The following MYT1L variants were observed in gnomAD, a reference collection of about 807,000 sequenced individuals.
The protein encoded by MYT1L is myelin transcription factor 1-like protein.
MYT1L carries 12 observed loss-of-function variants against 126.7 expected under a neutral mutation model. That is an observed-to-expected ratio of 0.09 (90% CI 0.06 to 0.15). MYT1L has a LOEUF of 0.15. MYT1L is among the 10% of genes least tolerant of loss of function. MYT1L has a pLI of 1.00. For missense variants in MYT1L, 979 were observed against 1,585.2 expected, an observed-to-expected ratio of 0.62 and a Z score of 6.49; for synonymous variants, 541 against 604.2, an observed-to-expected ratio of 0.90 and a Z score of 1.53.
chr2:2,269,292 A>G (rs1268538606), intron 2 of MYT1L, among the ~76,000 whole-genome samples: 2 of 152,206 alleles, frequency 1.3e-5, no homozygotes, highest in Non-Finnish European at 2.9e-5. Flanking sequence ...AAGCTTCTGT[A>G]TTCTCAGGCT....
At chr2:1,840,015 G>A (rs1243162390) in intron 20 of MYT1L, among the ~76,000 whole-genome samples, 1 of 152,250 alleles carries the variant, frequency 6.6e-6, no homozygotes, top group Non-Finnish European at 1.5e-5. Flanking sequence ...GAAGGAGGCA[G>A]GGCCTGGCCT....
At chr2:1,846,698 C>A (rs565319850) in intron 19 of MYT1L, among the ~76,000 whole-genome samples, 1 of 152,322 alleles carries the variant, frequency 6.6e-6, no homozygotes, top group Admixed American at 6.5e-5. Context: ...AGGGGCAGAG[C>A]ACAGACCTCA....
intron 2 of MYT1L, among the ~76,000 whole-genome samples, chr2:2,202,953 C>T (rs1227234729): frequency 6.6e-6 from 1 of 151,932 alleles, no homozygotes; most frequent in Non-Finnish European, 1.5e-5. Flanking sequence ...CCCTGGGATG[C>T]AAGGCTGGTT....
At chr2:2,269,520 G>A (rs2095217759) in intron 2 of MYT1L, among the ~76,000 whole-genome samples, 1 of 152,160 alleles carries the variant, frequency 6.6e-6, no homozygotes. Context: ...CTGCTAGCCT[G>A]GTTCCCTTGC....
chr2:2,031,059 A>C (rs939735549), intron 4 of MYT1L, among the ~76,000 whole-genome samples: 1 of 152,240 alleles, frequency 6.6e-6, no homozygotes, highest in African/African-American at 2.4e-5. Context: ...CAGCTCCAAA[A>C]ACAGCATGTT....
intron 3 of MYT1L, among the ~76,000 whole-genome samples, chr2:2,092,350 C>A (rs1240147995): frequency 6.6e-6 from 1 of 152,176 alleles, no homozygotes; most frequent in African/African-American, 2.4e-5. Context: ...AGAACACACA[C>A]ATTTATCAAT....
At chr2:2,328,994 T>A (rs1156621069) in intron 1 of MYT1L, among the ~76,000 whole-genome samples, 4 of 152,188 alleles carry the variant, frequency 2.6e-5, no homozygotes, top group African/African-American at 9.6e-5. Context: ...ATTTTCACAT[T>A]GCCAATAAAC....
intron 2 of MYT1L, among the ~76,000 whole-genome samples, chr2:2,213,834 A>G (rs969751615): frequency 2.6e-4 from 39 of 152,332 alleles, no homozygotes; most frequent in African/African-American, 9.1e-4. Context: ...TTTTCCAGGC[A>G]TGAAAAGAAG....
intron 1 of MYT1L, among the ~76,000 whole-genome samples, chr2:2,300,962 T>C (rs1400129259): frequency 6.6e-6 from 1 of 152,194 alleles, no homozygotes; most frequent in African/African-American, 2.4e-5. Flanking sequence ...CAAGCACTCT[T>C]GGCTGTGGCC....
At chr2:2,037,513 T>C (rs1667080345) in intron 4 of MYT1L, among the ~76,000 whole-genome samples, 1 of 151,858 alleles carries the variant, frequency 6.6e-6, no homozygotes, top group South Asian at 2.1e-4. Flanking sequence ...CCCAGCACCT[T>C]GGGAAGCCAA....
intron 9 of MYT1L, among the ~76,000 whole-genome samples, chr2:1,926,437 T>C (rs2054239495): frequency 6.6e-6 from 1 of 152,176 alleles, no homozygotes; most frequent in South Asian, 2.1e-4. Flanking sequence ...AGTCACATGA[T>C]GGCATGGGCT....
intron 2 of MYT1L, among the ~76,000 whole-genome samples, chr2:2,215,830 G>A (rs1227903103): frequency 6.6e-6 from 1 of 151,968 alleles, no homozygotes; most frequent in Non-Finnish European, 1.5e-5. Context: ...TGTTGGAGGT[G>A]GTCCCTCCCC....
chr2:1,947,863 G>A (rs544646578), intron 8 of MYT1L, among the ~76,000 whole-genome samples: 3 of 152,248 alleles, frequency 2.0e-5, no homozygotes, highest in African/African-American at 7.2e-5. Context: ...ATCAAGCAGG[G>A]TTTGGTTTAA....
At chr2:2,310,643 C>T (rs1463937733) in intron 1 of MYT1L, among the ~76,000 whole-genome samples, 1 of 152,080 alleles carries the variant, frequency 6.6e-6, no homozygotes, top group Non-Finnish European at 1.5e-5. Context: ...ATATGTTATC[C>T]CCACTCCAGC....
rs181559283 is a variant in MYT1L at position 1,965,623 on chromosome 2, C to T, written c.152+13542G>A. ...CCCTGGCATGTCCCTTTTTCACACG[C>T]GGGAAGCCAGAGAAGAGAGTAGGCC... On this transcript the variant is annotated intron_variant, in intron 8 of 24. Coordinates refer to ENST00000647738, the MANE Select transcript of MYT1L (RefSeq NM_001303052.2). Among the ~76,000 whole-genome samples, 72 of 152,344 alleles carry T rather than the reference C, an allele frequency of 4.7e-4. No individual in the cohort carries two copies. In the East Asian group the frequency reaches 0.011, roughly 24 times the overall value.
At chr2:2,168,002 A>T (rs181969228) in intron 3 of MYT1L, among the ~76,000 whole-genome samples, 16,030 of 133,960 alleles carry the variant, frequency 0.12, 827 homozygotes, top group African/African-American at 0.15. Context: ...TTTTATTTTA[A>T]AAAAAAATAG....
In MYT1L at chr2:2,073,792, C is replaced by T. The variant is rs377559889; in HGVS notation, c.-303-19669G>A. Among the ~76,000 whole-genome samples the T allele has an allele frequency of 2.2e-4, 33 of 152,268 alleles. 1 individual carries two copies. In the South Asian group the frequency reaches 6.2e-3, roughly 29 times the overall value. On this transcript the variant is annotated intron_variant, in intron 3 of 24. Transcript: ENST00000647738. ...GAGCGTTCTTTCTCCCTCCCACTAT[C>T]GGACATATTCTTCAACACTTAGCTT...
Position 1,789,836 on chromosome 2 carries a change from G to C in MYT1L, c.*2031C>G, listed in dbSNP as rs1217729247. 6.6e-6 allele frequency: 1 copy of C among 152,228 alleles called. No individual in the cohort carries two copies. Among genetic ancestry groups the C allele is most frequent in the East Asian group, 1.9e-4 (1 of 5,200 alleles). The allele number at this position is 152,228 out of a possible 1,614,324, so 9.4% of individuals were successfully genotyped here. ...CACAACAGAAAGGGGGCGCTGTACA[G>C]AGAAGGTTCCGCAGAGCCCCGAAAT... On this transcript the variant is annotated 3_prime_UTR_variant, in exon 25 of 25. Transcript: ENST00000647738.
chr2:1,904,797 A>AT lies in MYT1L; in HGVS notation c.1818-1504dup, dbSNP rs35388568. Among the ~76,000 whole-genome samples, 160 of 144,396 alleles carry AT rather than the reference A, an allele frequency of 1.1e-3. No individual in the cohort carries two copies. In the Middle Eastern group the frequency reaches 0.014, roughly 13 times the overall value. 94.7% of individuals were successfully genotyped at this position (144,396 alleles called of 152,430 possible). On this transcript the variant is annotated intron_variant, in intron 13 of 24. Transcript: ENST00000647738. The stretch of plus-strand genomic sequence containing the variant: ...CATCACGAACCACCACGCCTGGCTA[A>AT]TTTTTTTTTTTTTTGAGACAGAGTC...
Sources: gnomAD v4.1 joint callset for allele counts (sites outside exome capture counted in the v4.1 genomes callset) on GRCh38, gnomAD v4.1.1 for gene constraint, MANE v1.5 for transcripts, NCBI Gene and HGNC (gene_info 2026-07-23, HGNC 2026-07-21) for gene names.